The following DPP6 variants were observed in gnomAD, a reference collection of about 807,000 sequenced individuals.
The protein encoded by DPP6 is dipeptidyl peptidase like 6.
DPP6 carries 69 observed loss-of-function variants against 122.6 expected under a neutral mutation model. The observed-to-expected ratio is 0.56, with a 90% CI of 0.46 to 0.69. DPP6 has a LOEUF of 0.69. Among genes scored for constraint, DPP6 ranks in the 30% least tolerant of loss-of-function variants. The pLI, the probability that DPP6 is intolerant of heterozygous loss-of-function variation, is 0.00. For synonymous variants in DPP6, 418 were observed against 433.1 expected (o/e 0.97, Z 0.43); for missense variants, 928 against 1,116.9 (o/e 0.83, Z 2.41).
chr7:154,224,777 A>G (rs1800497671), intron 1 of DPP6, among the ~76,000 whole-genome samples: 2 of 149,612 alleles, frequency 1.3e-5, no homozygotes, highest in South Asian at 4.2e-4. Flanking sequence ...AACATCAGCA[A>G]CACAATTTGA....
At chr7:153,761,726 G>A in the DPP6 span, among the ~76,000 whole-genome samples, 5 of 152,078 alleles carry the variant, frequency 3.3e-5, no homozygotes, top group Non-Finnish European at 4.4e-5. Context: ...AGCAAGCATC[G>A]ATCCATGCTT....
At chr7:154,389,390 T>C (rs1814412882) in intron 1 of DPP6, among the ~76,000 whole-genome samples, 1 of 152,144 alleles carries the variant, frequency 6.6e-6, no homozygotes, top group Non-Finnish European at 1.5e-5. Context: ...TAGAAATTAA[T>C]AAAAAGGAGA....
intron 1 of DPP6, among the ~76,000 whole-genome samples, chr7:154,276,389 G>T (rs1235892215): frequency 2.0e-5 from 3 of 152,200 alleles, no homozygotes; most frequent in African/African-American, 7.2e-5. Flanking sequence ...CATACGTGAA[G>T]TTGAGGAAAG....
At chr7:154,756,477 T>G (rs1358506259) in intron 8 of DPP6, among the ~76,000 whole-genome samples, 1 of 152,160 alleles carries the variant, frequency 6.6e-6, no homozygotes, top group Non-Finnish European at 1.5e-5. Flanking sequence ...GACAACCCAA[T>G]GAGGGCAGCC....
chr7:153,795,189 G>A, the DPP6 span, among the ~76,000 whole-genome samples: 345 of 152,294 alleles, frequency 2.3e-3, no homozygotes, highest in African/African-American at 7.6e-3. Flanking sequence ...GGCCGAGGTG[G>A]GTGGATCACG....
chr7:153,960,943 T>C (rs1795322974), intron 1 of DPP6, among the ~76,000 whole-genome samples: 2 of 152,158 alleles, frequency 1.3e-5, no homozygotes, highest in Non-Finnish European at 2.9e-5. Context: ...TAAAGGCCCA[T>C]GTGTGGGGAA....
intron 1 of DPP6, among the ~76,000 whole-genome samples, chr7:153,996,138 A>G (rs1434942590): frequency 6.6e-6 from 1 of 152,178 alleles, no homozygotes; most frequent in East Asian, 1.9e-4. Flanking sequence ...GACTGCAGCC[A>G]TCAGATGATG....
chr7:154,377,533 G>T (rs1451172144), intron 1 of DPP6, among the ~76,000 whole-genome samples: 1 of 152,190 alleles, frequency 6.6e-6, no homozygotes, highest in Non-Finnish European at 1.5e-5. Context: ...GGTTGGAGGT[G>T]ATTGGATCAT....
intron 3 of DPP6, among the ~76,000 whole-genome samples, chr7:154,515,556 A>G (rs940934441): frequency 4.6e-5 from 7 of 151,358 alleles, no homozygotes; most frequent in Admixed American, 4.0e-4. Context: ...GCTCACTGCA[A>G]CCTCTGTCTC....
intron 1 of DPP6, among the ~76,000 whole-genome samples, chr7:154,115,896 G>A (rs191603147): frequency 6.6e-6 from 1 of 151,946 alleles, no homozygotes; most frequent in African/African-American, 2.4e-5. Flanking sequence ...ATAGACAAAC[G>A]ATCAATGCAT....
chr7:153,776,408 GCACGTTTCCTTGCTGCCGT>G, the DPP6 span, among the ~76,000 whole-genome samples: 2 of 151,972 alleles, frequency 1.3e-5, no homozygotes, highest in African/African-American at 4.8e-5. Flanking sequence ...CCTTTGCTTG[GCACGTTTCCTTGCTGCCGT>G]CACATGAAGA....
intron 15 of DPP6, 150 bp from the exon 16 acceptor site, chr7:154,806,844 C>T (rs938365750): frequency 9.7e-7 from 1 of 1,029,384 alleles, no homozygotes; most frequent in South Asian, 2.1e-5. Flanking sequence ...CTCAGGGGCT[C>T]CAGCAGGGAG....
chr7:153,950,015 T>C (rs1214974614), intron 1 of DPP6, among the ~76,000 whole-genome samples: 1 of 152,046 alleles, frequency 6.6e-6, no homozygotes, highest in Non-Finnish European at 1.5e-5. Context: ...ACTGAGTCGA[T>C]TTGGTATAAG....
At chr7:153,922,371 C>T (rs1297032827) in intron 1 of DPP6, among the ~76,000 whole-genome samples, 1 of 152,052 alleles carries the variant, frequency 6.6e-6, no homozygotes, top group African/African-American at 2.4e-5. Flanking sequence ...TAGTGGCATG[C>T]TTTTGTATTC....
At chr7:154,538,715 A>AAATTCTAAAATTTGCTATATAAG (rs1195068827) in intron 3 of DPP6, among the ~76,000 whole-genome samples, 1 of 152,250 alleles carries the variant, frequency 6.6e-6, no homozygotes, top group Non-Finnish European at 1.5e-5. Context: ...TTCTAAAAAA[A>AAATTCTAAAATTTGCTATATAAG]AATTCTAAAA....
chr7:153,952,736 C>CTAA (rs1438516059), intron 1 of DPP6, among the ~76,000 whole-genome samples: 1 of 152,200 alleles, frequency 6.6e-6, no homozygotes, highest in Non-Finnish European at 1.5e-5. Context: ...TAAGTCTCAG[C>CTAA]TAAATCTCTA....
At chr7:154,225,542 G>T (rs1308502971) in intron 1 of DPP6, among the ~76,000 whole-genome samples, 1 of 151,222 alleles carries the variant, frequency 6.6e-6, no homozygotes, top group Non-Finnish European at 1.5e-5. Context: ...ATATTCATTG[G>T]TGTTTTTCCC....
chr7:153,877,973 A>T, the DPP6 span, among the ~76,000 whole-genome samples: 1 of 152,242 alleles, frequency 6.6e-6, no homozygotes, highest in African/African-American at 2.4e-5. Flanking sequence ...CACGCACGTC[A>T]CAAAAGAAAA....
chr7:154,166,366 C>G (rs901220651), intron 1 of DPP6, among the ~76,000 whole-genome samples: 10 of 152,064 alleles, frequency 6.6e-5, no homozygotes, highest in African/African-American at 2.4e-4. Context: ...CCATCCTTCT[C>G]AGAGGATGAG....
Sources: allele counts gnomAD v4.1 joint callset (sites outside exome capture counted in the v4.1 genomes callset), GRCh38; gene constraint gnomAD v4.1.1; transcripts MANE v1.5; gene names NCBI Gene and HGNC (gene_info 2026-07-23, HGNC 2026-07-21).